VPS13B: variants seen among roughly 807,000 people sequenced by gnomAD.
The protein encoded by VPS13B is intermembrane lipid transfer protein VPS13B.
Under a neutral mutation model 426.4 loss-of-function variants are expected in VPS13B, and 285 were observed. The observed-to-expected ratio is 0.67, with a 90% CI of 0.61 to 0.74. The LOEUF (loss-of-function observed/expected upper bound fraction) is 0.74, where lower values mean the gene tolerates loss of function less well. Ranked by LOEUF, VPS13B falls within the 30% of genes least tolerant of loss-of-function variation. The probability of loss-of-function intolerance (pLI) is 0.00; values close to 1 mark genes in which losing one functional copy is unlikely to be tolerated. For synonymous variants in VPS13B, 1,676 were observed against 1,676.4 expected (o/e 1.00, Z 0.01); for missense variants, 4,537 against 4,782.6 (o/e 0.95, Z 1.51).
intron 33 of VPS13B, among the ~76,000 whole-genome samples, chr8:99,616,557 G>A (rs1430147464): frequency 6.6e-6 from 1 of 152,282 alleles, no homozygotes; most frequent in Non-Finnish European, 1.5e-5. Flanking sequence ...GCCGGGCGCA[G>A]TGGCTCATGC....
intron 21 of VPS13B, among the ~76,000 whole-genome samples, chr8:99,428,637 G>A (rs768922815): frequency 6.6e-6 from 1 of 152,148 alleles, no homozygotes; most frequent in Admixed American, 6.5e-5. Context: ...GGAAACAACA[G>A]GTGCTGGAGA....
intron 39 of VPS13B, among the ~76,000 whole-genome samples, chr8:99,726,301 T>G (rs1227985531): frequency 6.6e-6 from 1 of 152,226 alleles, no homozygotes; most frequent in Non-Finnish European, 1.5e-5. Flanking sequence ...TCAATAAAAT[T>G]AGCATCTGTT....
intron 17 of VPS13B, among the ~76,000 whole-genome samples, chr8:99,194,909 G>A (rs549002940): frequency 6.6e-6 from 1 of 151,972 alleles, no homozygotes; most frequent in Non-Finnish European, 1.5e-5. Flanking sequence ...GCAGTGGCGC[G>A]ATCTCGGCTC....
At chr8:99,365,877 T>G (rs1232192142) in intron 19 of VPS13B, among the ~76,000 whole-genome samples, 2 of 152,126 alleles carry the variant, frequency 1.3e-5, no homozygotes, top group Non-Finnish European at 2.9e-5. Flanking sequence ...ATTGTTTAAT[T>G]TTCATATGTT....
intron 35 of VPS13B, chr8:99,696,590 G>A: frequency 3.4e-6 from 2 of 584,886 alleles, no homozygotes; most frequent in Middle Eastern, 2.7e-4. Context: ...TTGAGACCCA[G>A]TCCATCAAGG....
At position 99,661,701 on chromosome 8, in the gene VPS13B, G is replaced by A. The variant is rs1449790; in HGVS notation, c.6046+210G>A. On this transcript the variant is annotated intron_variant, in intron 35 of 61. Coordinates refer to ENST00000357162, the MANE Select transcript of VPS13B (RefSeq NM_152564.5). ...GAATTACCTTCAGTCTGACAAAAAGGTAGTTATCAATTAAAGAATAGTTGA... is the reference window on the plus strand; with the variant it reads ...GAATTACCTTCAGTCTGACAAAAAGATAGTTATCAATTAAAGAATAGTTGA... 0.029 allele frequency among the ~76,000 whole-genome samples: 4,350 copies of A among 152,146 alleles called. 85 individuals are homozygous for A. Among genetic ancestry groups the A allele is most frequent in the Non-Finnish European group, 0.041 (2,775 of 67,966 alleles).
chr8:99,242,891 A>T (rs1022601090), intron 17 of VPS13B, among the ~76,000 whole-genome samples: 1 of 152,182 alleles, frequency 6.6e-6, no homozygotes, highest in African/African-American at 2.4e-5. Flanking sequence ...GGTAGGCATG[A>T]TGCCTTTTTT....
At chr8:99,727,693 C>T (rs111267356) in intron 39 of VPS13B, among the ~76,000 whole-genome samples, 3 of 152,284 alleles carry the variant, frequency 2.0e-5, no homozygotes, top group South Asian at 2.1e-4. Flanking sequence ...TCCCACAACA[C>T]GTGGGAATTA....
At chr8:99,376,470 G>T (rs1346646716) in intron 19 of VPS13B, among the ~76,000 whole-genome samples, 1 of 151,964 alleles carries the variant, frequency 6.6e-6, no homozygotes, top group Non-Finnish European at 1.5e-5. Flanking sequence ...GTCGTTTTTG[G>T]TATAATGTAA....
intron 39 of VPS13B, among the ~76,000 whole-genome samples, chr8:99,744,347 T>C (rs1006821883): frequency 6.6e-6 from 1 of 152,038 alleles, no homozygotes; most frequent in Admixed American, 6.6e-5. Context: ...TGTGGAGAAA[T>C]AGGAACACTT....
chr8:99,776,900 T>C lies in VPS13B; in HGVS notation c.7373T>C (p.Phe2458Ser). Residue 2458 changes from phenylalanine (F) to serine (S), a missense_variant, in exon 41 of 62, where the codon TTC (phenylalanine) becomes TCC (serine). Physicochemically the swap from Phe to Ser is radical, Grantham distance 155. Coordinates refer to ENST00000357162, the MANE Select transcript of VPS13B (RefSeq NM_152564.5). ...PWFVPSLCVS[F>S]QFAHLEFHLC... ...TTTGTCCCATCCCTTTGCGTTTCTTTCCAGTTTGCTCACCTGGAATTCCAT... is the reference window on the plus strand; with the variant it reads ...TTTGTCCCATCCCTTTGCGTTTCTTCCCAGTTTGCTCACCTGGAATTCCAT... The C allele has an allele frequency of 1.2e-6, 2 of 1,614,104 alleles. No individual in the cohort carries two copies. Among genetic ancestry groups the C allele is most frequent in the South Asian group, 2.2e-5 (2 of 91,084 alleles).
Position 99,784,389 on chromosome 8 carries a change from G to T in VPS13B, c.7854G>T (p.Arg2618=). Residue 2618 remains arginine (R), a synonymous_variant, in exon 43 of 62, where the codon CGG becomes CGT. Coordinates refer to ENST00000357162, the MANE Select transcript of VPS13B (RefSeq NM_152564.5). The part of the protein sequence containing the change: ...VICNDTQETL[R]FGQVDTDENI... The stretch of plus-strand genomic sequence containing the variant: ...GTAATGACACACAGGAGACACTGCG[G>T]TTTGGCCAGGTGGATACTGATGAAA... The T allele has an allele frequency of 6.2e-7, 1 of 1,613,752 alleles. No homozygotes were observed. Among genetic ancestry groups the T allele is most frequent in the South Asian group, 1.1e-5 (1 of 91,074 alleles).
intron 23 of VPS13B, among the ~76,000 whole-genome samples, chr8:99,464,992 T>C (rs1047117861): frequency 2.6e-5 from 4 of 152,208 alleles, no homozygotes; most frequent in Non-Finnish European, 4.4e-5. Flanking sequence ...TTGAAAATTT[T>C]TTAATTCTGC....
chr8:99,386,132 C>T (rs946580097), intron 20 of VPS13B, among the ~76,000 whole-genome samples: 17 of 152,020 alleles, frequency 1.1e-4, no homozygotes, highest in Non-Finnish European at 2.9e-5. Flanking sequence ...ATTGTAAATT[C>T]TTGATTGGTT....
intron 3 of VPS13B, among the ~76,000 whole-genome samples, chr8:99,080,433 G>A (rs1845381911): frequency 1.3e-5 from 2 of 152,048 alleles, no homozygotes; most frequent in Non-Finnish European, 2.9e-5. Context: ...CCTGTATAGT[G>A]TAAGGTATGG....
rs758454074 is a variant in VPS13B at position 99,315,641 on chromosome 8, CT to C, written c.2824+40400del. Among the ~76,000 whole-genome samples, 184 of 139,872 alleles carry C rather than the reference CT, an allele frequency of 1.3e-3. 1 individual carries two copies. The highest frequency in any genetic ancestry group is 3.9e-3 in the South Asian group (17 of 4,372). The allele number at this position is 139,872 out of a possible 152,430, so 91.8% of individuals were successfully genotyped here. A position where few individuals can be genotyped will look rare whatever the true frequency, so the allele number is the denominator to read the frequency against. ...TATTTCCCCAGGATTTTGTAAATTT[CT>C]TTTTTTTTTTTTGAGACGGAGTCTT... On this transcript the variant is annotated intron_variant, in intron 19 of 61. Transcript: ENST00000357162.
rs1231054577 is a variant in VPS13B, at chr8:99,298,680, T to C, written c.2824+23426T>C. On this transcript the variant is annotated intron_variant, in intron 19 of 61. Coordinates refer to ENST00000357162, the MANE Select transcript of VPS13B (RefSeq NM_152564.5). ...AGTATCTTGTAAATCATTTCTTTAGTTTCATTATCCCAACACTGTTTAAGA... is the reference window on the plus strand; with the variant it reads ...AGTATCTTGTAAATCATTTCTTTAGCTTCATTATCCCAACACTGTTTAAGA... Among the ~76,000 whole-genome samples the C allele has an allele frequency of 2.0e-5, 3 of 152,238 alleles. No homozygotes were observed. The East Asian group carries it at 5.8e-4, about 29-fold the overall frequency.
At chr8:99,831,160 C>T (rs892850027) in intron 51 of VPS13B, among the ~76,000 whole-genome samples, 14 of 150,264 alleles carry the variant, frequency 9.3e-5, no homozygotes, top group African/African-American at 3.4e-4. Flanking sequence ...TCAACCTCTG[C>T]CTCCTGGGTT....
chr8:99,029,686 G>T (rs1262311648), intron 2 of VPS13B, among the ~76,000 whole-genome samples: 3 of 151,950 alleles, frequency 2.0e-5, no homozygotes, highest in Non-Finnish European at 2.9e-5. Flanking sequence ...TGAGGCAGGA[G>T]AATCAGGCAG....
Sources: allele counts gnomAD v4.1 joint callset (sites outside exome capture counted in the v4.1 genomes callset), GRCh38; gene constraint gnomAD v4.1.1; transcripts MANE v1.5; gene names NCBI Gene and HGNC (gene_info 2026-07-23, HGNC 2026-07-21).